ROR1: variants seen among roughly 807,000 people sequenced by gnomAD.
ROR1 encodes ROR family WNT receptor 1.
ROR1 carries 19 observed loss-of-function variants against 78.8 expected under a neutral mutation model. The observed-to-expected ratio is 0.24, with a 90% CI of 0.17 to 0.35. ROR1 has a LOEUF of 0.35. ROR1 is among the 10% of genes least tolerant of loss of function. The pLI is 1.00. For synonymous variants in ROR1, 386 were observed against 433.6 expected (o/e 0.89, Z 1.36); for missense variants, 917 against 1,177.8 (o/e 0.78, Z 3.24).
rs1380648663 is a variant in ROR1 at position 63,868,922 on chromosome 1, T to C, written c.91+94414T>C. Among the ~76,000 whole-genome samples, 3 of 152,246 alleles carry C rather than the reference T, an allele frequency of 2.0e-5. No homozygotes were observed. In the East Asian group the frequency reaches 5.8e-4, roughly 29 times the overall value. ...TTTTGCATCATTTTTATTTGCAGTA[T>C]GCAATCAAATTGTGAGATTACTTAA... On this transcript the variant is annotated intron_variant, in intron 1 of 8. Coordinates refer to ENST00000371079, the MANE Select transcript of ROR1 (RefSeq NM_005012.4).
In ROR1 at chr1:64,142,405, A is replaced by G. The variant is rs1418989849; in HGVS notation, c.929A>G (p.Asn310Ser). The change falls in exon 7 of 9, where the codon AAT becomes AGT. Residue 310 changes from asparagine to serine, a missense_variant and splice_region_variant. Physicochemically the swap from Asn to Ser is conservative, Grantham distance 46 (BLOSUM62 1). This residue lies in a region of ROR1 where 835 missense variants were observed against 1,069.8 expected (regional missense o/e 0.78). Transcript: ENST00000371079. ...GTTTGGGTTTTTGTGTGTTTTTCAGATCACAAGTGTTATAACAGCACAGGT... is the reference window on the plus strand; with the variant it reads ...GTTTGGGTTTTTGTGTGTTTTTCAGGTCACAAGTGTTATAACAGCACAGGT... ...GIPMADPINK[N>S]HKCYNSTGVD... 2.5e-6 allele frequency: 4 copies of G among 1,613,872 alleles called. No homozygotes were observed. Among genetic ancestry groups the G allele is most frequent in the Non-Finnish European group, 3.4e-6 (4 of 1,179,914 alleles).
intron 1 of ROR1, among the ~76,000 whole-genome samples, chr1:63,824,530 C>G (rs565540696): frequency 1.4e-4 from 22 of 152,186 alleles, no homozygotes; most frequent in African/African-American, 5.1e-4. Flanking sequence ...GTTTGCTGAT[C>G]CCTGGGGTAG....
chr1:63,947,076 G>A (rs1369096586), intron 1 of ROR1, among the ~76,000 whole-genome samples: 2 of 152,136 alleles, frequency 1.3e-5, no homozygotes, highest in Non-Finnish European at 2.9e-5. Flanking sequence ...GTGTTCTCCA[G>A]GGGATTCAGG....
At chr1:64,040,129 G>T (rs1381253939) in intron 2 of ROR1, among the ~76,000 whole-genome samples, 1 of 152,140 alleles carries the variant, frequency 6.6e-6, no homozygotes, top group African/African-American at 2.4e-5. Flanking sequence ...TAGGACTATA[G>T]ATTTACTTAT....
At chr1:63,790,600 TC>T (rs1324825028) in intron 1 of ROR1, among the ~76,000 whole-genome samples, 1 of 152,190 alleles carries the variant, frequency 6.6e-6, no homozygotes, top group Non-Finnish European at 1.5e-5. Flanking sequence ...CTCCTCTTTC[TC>T]CTTTTTCGTG....
chr1:64,092,093 TTCCCTCCCTCCCTCCCTCCC>T (rs60543147), intron 4 of ROR1, among the ~76,000 whole-genome samples: 1 of 118,504 alleles, frequency 8.4e-6, no homozygotes, highest in Non-Finnish European at 1.7e-5. Flanking sequence ...GATGTAATTC[TTCCCTCCCTCCCTCCCTCCC>T]TCCCTCCCTT....
At position 63,801,844 on chromosome 1, in the gene ROR1, C is replaced by T. The variant is rs535903651; in HGVS notation, c.91+27336C>T. ...ATGTAGCTTTTCCTTTGAGCTGGGTCTGATGTTTGGAGGGTGCTGTCTTCT... is the reference window on the plus strand; with the variant it reads ...ATGTAGCTTTTCCTTTGAGCTGGGTTTGATGTTTGGAGGGTGCTGTCTTCT... On this transcript the variant is annotated intron_variant, in intron 1 of 8. Transcript: ENST00000371079. Among the ~76,000 whole-genome samples, 13 of 152,296 alleles carry T rather than the reference C, an allele frequency of 8.5e-5. No homozygotes were observed. In the South Asian group the frequency reaches 2.7e-3, roughly 32 times the overall value.
chr1:63,806,605 C>A (rs1470497668), intron 1 of ROR1, among the ~76,000 whole-genome samples: 2 of 152,234 alleles, frequency 1.3e-5, no homozygotes, highest in East Asian at 3.8e-4. Flanking sequence ...GCGTGAGCCA[C>A]CGCGCCTGGC....
At chr1:64,036,674 TTC>T (rs1557620902) in intron 2 of ROR1, among the ~76,000 whole-genome samples, 2 of 152,250 alleles carry the variant, frequency 1.3e-5, no homozygotes, top group African/African-American at 2.4e-5. Context: ...GAGAATTTAC[TTC>T]ACTCCTTAGA....
intron 7 of ROR1, among the ~76,000 whole-genome samples, chr1:64,158,147 C>T (rs558940697): frequency 1.3e-5 from 2 of 152,256 alleles, no homozygotes; most frequent in South Asian, 4.1e-4. Context: ...GTCTCGTGTT[C>T]TACACATATT....
At chr1:63,963,006 G>C (rs1271941197) in intron 1 of ROR1, among the ~76,000 whole-genome samples, 1 of 152,108 alleles carries the variant, frequency 6.6e-6, no homozygotes, top group Non-Finnish European at 1.5e-5. Context: ...GAAGTATTAG[G>C]ACTTCCTTCT....
intron 1 of ROR1, among the ~76,000 whole-genome samples, chr1:63,962,252 T>A (rs750881632): frequency 6.6e-6 from 1 of 152,182 alleles, no homozygotes; most frequent in Non-Finnish European, 1.5e-5. Flanking sequence ...AGAGTGAGAC[T>A]GTCTCAAAAA....
chr1:63,897,982 G>A (rs1645453282), intron 1 of ROR1, among the ~76,000 whole-genome samples: 1 of 152,188 alleles, frequency 6.6e-6, no homozygotes, highest in African/African-American at 2.4e-5. Flanking sequence ...AGACAGAGGA[G>A]AGGGAAGGCG....
chr1:63,840,938 GTTCCTAAGGGTCTGTGT>G (rs966638053), intron 1 of ROR1, among the ~76,000 whole-genome samples: 129 of 152,264 alleles, frequency 8.5e-4, no homozygotes, highest in African/African-American at 2.8e-3. Context: ...TTTTCAACAG[GTTCCTAAGGGTCTGTGT>G]TTCTAGCGCT....
chr1:63,924,022 A>G (rs1194342389), intron 1 of ROR1, among the ~76,000 whole-genome samples: 1 of 151,976 alleles, frequency 6.6e-6, no homozygotes, highest in African/African-American at 2.4e-5. Flanking sequence ...GGGTTCTTCC[A>G]TTTCATAAGA....
chr1:63,885,898 A>C (rs1645353507), intron 1 of ROR1, among the ~76,000 whole-genome samples: 1 of 152,158 alleles, frequency 6.6e-6, no homozygotes, highest in Admixed American at 6.5e-5. Flanking sequence ...CAAGCACATT[A>C]CGTTTATTTT....
intron 4 of ROR1, among the ~76,000 whole-genome samples, chr1:64,127,892 G>A (rs533557495): frequency 1.3e-5 from 2 of 152,188 alleles, no homozygotes; most frequent in African/African-American, 4.8e-5. Flanking sequence ...ACGGCCAGAT[G>A]GCTTGTGAAG....
At chr1:63,833,484 G>C (rs1161566752) in intron 1 of ROR1, among the ~76,000 whole-genome samples, 1 of 152,124 alleles carries the variant, frequency 6.6e-6, no homozygotes, top group East Asian at 1.9e-4. Flanking sequence ...TTGTTTTGTG[G>C]GTCTTCAGGG....
intron 1 of ROR1, among the ~76,000 whole-genome samples, chr1:63,846,230 C>T (rs1413432870): frequency 1.3e-5 from 2 of 151,004 alleles, no homozygotes; most frequent in Non-Finnish European, 2.9e-5. Context: ...AGGTGGCCTA[C>T]CCCTCACATC....
Sources: gnomAD v4.1 joint callset for allele counts (sites outside exome capture counted in the v4.1 genomes callset) on GRCh38, gnomAD v4.1.1 for gene constraint, gnomAD v4.1.1 regional missense constraint, MANE v1.5 for transcripts, NCBI Gene and HGNC (gene_info 2026-07-23, HGNC 2026-07-21) for gene names.